Variants in ZNF57 observed in about 807,000 individuals in gnomAD.
ZNF57 encodes zinc finger protein 424.
Under a neutral mutation model 13.4 loss-of-function variants are expected in ZNF57, and 11 were observed. The ratio of observed to expected loss-of-function variants is 0.82; its 90% CI spans 0.52 to 1.36. ZNF57 has a LOEUF of 1.36. Ranked by LOEUF, ZNF57 falls within the 40% of genes most tolerant of loss-of-function variation. ZNF57 has a pLI of 0.00. For missense variants in ZNF57, 696 were observed against 667.5 expected (o/e 1.04, Z -0.47); for synonymous variants, 224 against 238.5 (o/e 0.94, Z 0.56).
chr19:2,900,929 TCCC>T lies in ZNF57; in HGVS notation c.-116_-114del. ...GCCCCGAGGGCGGGACGTTTCGTCCTCCCTGCCGCGCGTGCCCTGCCTACCACG... is the reference window on the plus strand; with the variant it reads ...GCCCCGAGGGCGGGACGTTTCGTCCTTGCCGCGCGTGCCCTGCCTACCACG... On this transcript the variant is annotated 5_prime_UTR_variant, in exon 1 of 4. Transcript: ENST00000306908. The T allele has an allele frequency of 2.2e-6, 3 of 1,357,588 alleles. No homozygotes were observed. The highest frequency in any genetic ancestry group is 2.0e-6 in the Non-Finnish European group (2 of 993,790). The allele number at this position is 1,357,588 out of a possible 1,614,324, so 84.1% of individuals were successfully genotyped here.
At chr19:2,903,552 C>G (rs11672298) in intron 1 of ZNF57, among the ~76,000 whole-genome samples, 2 of 151,836 alleles carry the variant, frequency 1.3e-5, no homozygotes, top group Non-Finnish European at 2.9e-5. Flanking sequence ...CCTTACTGCC[C>G]GCATAAATAG....
chr19:2,901,478 A>G (rs918348461), intron 1 of ZNF57, among the ~76,000 whole-genome samples: 1 of 152,022 alleles, frequency 6.6e-6, no homozygotes, highest in African/African-American at 2.4e-5. Flanking sequence ...GAGTCTGAGA[A>G]AGGACTCAGC....
At chr19:2,912,874 T>C (rs2088152259) in intron 1 of ZNF57, among the ~76,000 whole-genome samples, 1 of 152,196 alleles carries the variant, frequency 6.6e-6, no homozygotes, top group South Asian at 2.1e-4. Context: ...TATCTCCTTT[T>C]TGTTTTGATT....
At position 2,918,106 on chromosome 19, in the gene ZNF57, G is replaced by C; in HGVS notation, c.1485G>C (p.Val495=). The C allele has an allele frequency of 6.2e-7, 1 of 1,614,226 alleles. No individual in the cohort carries two copies. The highest frequency in any genetic ancestry group is 8.5e-7 in the Non-Finnish European group (1 of 1,180,036). The part of the protein sequence containing the change: ...FTWSSTLHNH[V]RMHTGEKPHK... ...GGTCCTCAACCTTACATAATCATGTGAGGATGCACACTGGAGAGAAACCTC... is the reference window on the plus strand; with the variant it reads ...GGTCCTCAACCTTACATAATCATGTCAGGATGCACACTGGAGAGAAACCTC... The change falls in exon 4 of 4, where the codon GTG becomes GTC. Residue 495 remains valine, a synonymous_variant. Transcript: ENST00000306908.
At chr19:2,916,373 T>C (rs1167285766) in intron 3 of ZNF57, 124 bp downstream of exon 3, 11 of 894,676 alleles carry the variant, frequency 1.2e-5, no homozygotes, top group Non-Finnish European at 1.6e-5. Flanking sequence ...AAAAAAAAAT[T>C]TGTATTTGAC....
rs376683335 is a variant in ZNF57, at chr19:2,917,708, C to A, written c.1087C>A (p.Pro363Thr). The A allele has an allele frequency of 1.8e-5, 29 of 1,613,728 alleles. No homozygotes were observed. The highest frequency in any genetic ancestry group is 2.7e-5 in the African/African-American group (2 of 74,836). Residue 363 changes from proline (P) to threonine (T), a missense_variant, in exon 4 of 4, where the codon CCT (proline) becomes ACT (threonine). Pro to Thr is a conservative substitution (Grantham distance 38). Coordinates refer to ENST00000306908, the MANE Select transcript of ZNF57 (RefSeq NM_173480.3). ...TTTGAGGACGCACACTGGAGAGAAA[C>A]CTTATGAGTGTAAACAATGTGGGAA... is the stretch of plus-strand genomic sequence containing the variant. ...GHLRTHTGEK[P>T]YECKQCGKAF...
chr19:2,905,612 A>G (rs1438339126), intron 1 of ZNF57, among the ~76,000 whole-genome samples: 1 of 151,594 alleles, frequency 6.6e-6, no homozygotes, highest in Admixed American at 6.6e-5. Flanking sequence ...AAAAATACAA[A>G]AAATTAGCCG....
At position 2,917,593 on chromosome 19, in the gene ZNF57, A is replaced by AGTCCACATGAGG; in HGVS notation, c.973_984dup (p.Val325_Arg328dup). ...CATTCAGTTGGTCTGAAACCTTGCGAGTCCACATGAGGATCCACACTGGGG... is the reference window on the plus strand; with the variant it reads ...CATTCAGTTGGTCTGAAACCTTGCGAGTCCACATGAGGGTCCACATGAGGATCCACACTGGGG... On this transcript the variant is annotated inframe_insertion, in exon 4 of 4. Coordinates refer to ENST00000306908, the MANE Select transcript of ZNF57 (RefSeq NM_173480.3). The AGTCCACATGAGG allele has an allele frequency of 1.9e-6, 3 of 1,613,280 alleles. No homozygotes were observed. The highest frequency in any genetic ancestry group is 1.7e-5 in the Admixed American group (1 of 59,888).
chr19:2,915,703 T>C, intron 2 of ZNF57, 55 bp downstream of exon 2: 1 of 1,611,970 alleles, frequency 6.2e-7, no homozygotes, highest in Non-Finnish European at 8.5e-7. Flanking sequence ...TTCTTTCTCA[T>C]CAGTTCTGTT....
intron 3 of ZNF57, 67 bp from the exon 4 acceptor site, chr19:2,916,857 T>A: frequency 7.4e-7 from 1 of 1,352,122 alleles, no homozygotes; most frequent in Non-Finnish European, 1.0e-6. Flanking sequence ...TTCTAATACT[T>A]GTTAATACAT....
chr19:2,903,503 C>T (rs1300479263), intron 1 of ZNF57, among the ~76,000 whole-genome samples: 5 of 152,182 alleles, frequency 3.3e-5, no homozygotes, highest in African/African-American at 4.8e-5. Flanking sequence ...TGAGCCACCG[C>T]GCCCGGCCTG....
intron 1 of ZNF57, among the ~76,000 whole-genome samples, chr19:2,913,111 G>A (rs1356346783): frequency 2.0e-5 from 3 of 152,016 alleles, no homozygotes; most frequent in East Asian, 1.9e-4. Context: ...CCGCCACCAC[G>A]CCCAGCTAAT....
At chr19:2,907,533 A>G (rs1297726545) in intron 1 of ZNF57, among the ~76,000 whole-genome samples, 3 of 152,230 alleles carry the variant, frequency 2.0e-5, no homozygotes, top group Non-Finnish European at 4.4e-5. Context: ...GTTATGTCAC[A>G]GAGAGATCCA....
intron 1 of ZNF57, among the ~76,000 whole-genome samples, chr19:2,903,369 G>C (rs1292576664): frequency 6.6e-6 from 1 of 152,142 alleles, no homozygotes; most frequent in East Asian, 1.9e-4. Context: ...TTGCCACCAC[G>C]ACCGGCTAAT....
chr19:2,903,974 G>T (rs547128799), intron 1 of ZNF57, among the ~76,000 whole-genome samples: 1 of 151,406 alleles, frequency 6.6e-6, no homozygotes, highest in East Asian at 2.0e-4. Context: ...CTCAGCCTCC[G>T]AAAGTGCTGG....
intron 1 of ZNF57, 36 bp downstream of exon 1, chr19:2,901,084 C>T (rs1266212747): frequency 2.0e-6 from 3 of 1,530,780 alleles, no homozygotes; most frequent in Non-Finnish European, 2.6e-6. Context: ...AGGGGACGGT[C>T]GGAGCGACGG....
At chr19:2,901,666 G>C (rs117446782) in intron 1 of ZNF57, among the ~76,000 whole-genome samples, 1 of 151,946 alleles carries the variant, frequency 6.6e-6, no homozygotes, top group Non-Finnish European at 1.5e-5. Flanking sequence ...GATTACAGGC[G>C]CCCGCCCTCA....
rs768304541 is a variant in ZNF57 at position 2,917,886 on chromosome 19, G to A, written c.1265G>A (p.Cys422Tyr). The change falls in exon 4 of 4, where the codon TGT (cysteine) becomes TAT (tyrosine). Residue 422 changes from cysteine to tyrosine, a missense_variant. Coordinates refer to ENST00000306908, the MANE Select transcript of ZNF57 (RefSeq NM_173480.3). Reference protein sequence around the residue: ...RTHTGEKPYECKQCGKTFTWS... With the variant: ...RTHTGEKPYEYKQCGKTFTWS... ...CACACTGGAGAGAAGCCTTATGAGT[G>A]TAAACAATGTGGAAAAACCTTCACT... is the stretch of plus-strand genomic sequence containing the variant. The A allele has an allele frequency of 3.7e-6, 6 of 1,613,922 alleles. No individual in the cohort carries two copies. Among genetic ancestry groups the A allele is most frequent in the South Asian group, 1.1e-5 (1 of 91,046 alleles).
Position 2,904,897 on chromosome 19 carries a change from G to C in ZNF57, c.3+3849G>C, listed in dbSNP as rs554045865. Reference sequence around the variant, plus strand: ...GCATATGTGAGCACTTTCCATGCCTGGACGTTGTAAGAACTAACTTCTGAA... The same window carrying C: ...GCATATGTGAGCACTTTCCATGCCTCGACGTTGTAAGAACTAACTTCTGAA... On this transcript the variant is annotated intron_variant, in intron 1 of 3. Coordinates refer to ENST00000306908, the MANE Select transcript of ZNF57 (RefSeq NM_173480.3). Among the ~76,000 whole-genome samples, 17 of 152,196 alleles carry C rather than the reference G, an allele frequency of 1.1e-4. 1 individual carries two copies. In the South Asian group the frequency reaches 3.5e-3, roughly 32 times the overall value.
Sources: gnomAD v4.1 joint callset for allele counts (sites outside exome capture counted in the v4.1 genomes callset) on GRCh38, gnomAD v4.1.1 for gene constraint, MANE v1.5 for transcripts, NCBI Gene and HGNC (gene_info 2026-07-23, HGNC 2026-07-21) for gene names.